The following PCDHA5 variants were observed in gnomAD, a reference collection of about 807,000 sequenced individuals.
PCDHA5 encodes the protein protocadherin alpha 5, also known as protocadherin alpha-5.
A neutral mutation model predicts 61.6 loss-of-function variants in PCDHA5; 43 were observed. The observed-to-expected ratio is 0.70, with a 90% CI of 0.55 to 0.90. PCDHA5 has a LOEUF of 0.90. Ranked by LOEUF, PCDHA5 falls within the 40% of genes least tolerant of loss-of-function variation. PCDHA5 has a pLI of 0.00. For synonymous variants in PCDHA5, 627 were observed against 543.9 expected (o/e 1.15, Z -2.13); for missense variants, 1,298 against 1,222.7 (o/e 1.06, Z -0.92).
intron 1 of PCDHA5, chr5:140,859,594 C>G (rs2045925164): frequency 6.1e-6 from 1 of 164,452 alleles, no homozygotes; most frequent in Non-Finnish European, 1.3e-5. Context: ...TGGCTCTTAG[C>G]AATTACTTTT....
intron 3 of PCDHA5, among the ~76,000 whole-genome samples, chr5:141,006,271 G>T (rs2098264486): frequency 6.6e-6 from 1 of 151,918 alleles, no homozygotes; most frequent in Non-Finnish European, 1.5e-5. Context: ...GACTGCAGTG[G>T]CACGATCTCA....
intron 1 of PCDHA5, among the ~76,000 whole-genome samples, chr5:140,872,173 T>C (rs2053523271): frequency 6.6e-6 from 1 of 152,224 alleles, no homozygotes; most frequent in Non-Finnish European, 1.5e-5. Flanking sequence ...TTCTTTTTTT[T>C]TTTTACAGTG....
chr5:140,845,560 A>G (rs2150379954), intron 1 of PCDHA5, among the ~76,000 whole-genome samples: 47 of 149,642 alleles, frequency 3.1e-4, no homozygotes, highest in African/African-American at 1.1e-3. Context: ...GCTTTTAGCT[A>G]TTAAGAATTT....
Position 141,009,979 on chromosome 5 carries a change from T to C in PCDHA5, c.*42T>C. 2.5e-6 allele frequency: 4 copies of C among 1,583,392 alleles called. No individual in the cohort carries two copies. Among genetic ancestry groups the C allele is most frequent in the Non-Finnish European group, 3.4e-6 (4 of 1,168,152 alleles). On this transcript the variant is annotated 3_prime_UTR_variant, in exon 4 of 4. Coordinates refer to ENST00000529859, the MANE Select transcript of PCDHA5 (RefSeq NM_018908.3). The stretch of plus-strand genomic sequence containing the variant: ...CAAGCCACTTAGCCAGTTTTTGTAA[T>C]AATGGCAAATCTCTCCCATGTAGCA...
chr5:140,872,087 A>C (rs2053480826), intron 1 of PCDHA5, among the ~76,000 whole-genome samples: 2 of 152,304 alleles, frequency 1.3e-5, no homozygotes, highest in East Asian at 1.9e-4. Flanking sequence ...GTGCCACTGC[A>C]CTTAGTCCAT....
Position 140,938,565 on chromosome 5 carries a change from A to G in PCDHA5, c.2353-40384A>G, listed in dbSNP as rs1347602327. Among the ~76,000 whole-genome samples the G allele has an allele frequency of 2.0e-5, 3 of 151,630 alleles. No individual in the cohort carries two copies. The East Asian group carries it at 5.8e-4, about 29-fold the overall frequency. On this transcript the variant is annotated intron_variant, in intron 1 of 3. Coordinates refer to ENST00000529859, the MANE Select transcript of PCDHA5 (RefSeq NM_018908.3). ...TTTTATCCTTTTATTAATAGCATGC[A>G]TTATATTGGTTGATTTGTTAATGAT...
chr5:141,009,702 C>T lies in PCDHA5; in HGVS notation c.2576C>T (p.Pro859Leu). 1 of 1,614,056 alleles carries T rather than the reference C, an allele frequency of 6.2e-7. No individual in the cohort carries two copies. The highest frequency in any genetic ancestry group is 8.5e-7 in the Non-Finnish European group (1 of 1,180,028). The change falls in exon 4 of 4, where the codon CCA becomes CTA. Residue 859 changes from proline to leucine, a missense_variant. Transcript: ENST00000529859. ...AACAGCTGGACCTTTAAATACGGAC[C>T]AGGCAACCCCAAACAATCCGGTCCC... is the stretch of plus-strand genomic sequence containing the variant. The part of the protein sequence containing the change: ...NSNSWTFKYG[P>L]GNPKQSGPGE...
intron 1 of PCDHA5, among the ~76,000 whole-genome samples, chr5:140,923,810 T>C (rs1433569913): frequency 6.6e-6 from 1 of 152,202 alleles, no homozygotes; most frequent in Non-Finnish European, 1.5e-5. Flanking sequence ...TGAAATCTTC[T>C]GAAAATAGAC....
intron 1 of PCDHA5, among the ~76,000 whole-genome samples, chr5:140,906,179 C>G (rs2072430767): frequency 1.3e-5 from 2 of 152,172 alleles, no homozygotes; most frequent in African/African-American, 4.8e-5. Flanking sequence ...TACTTTGCAT[C>G]CTTCAATCCA....
At chr5:140,917,242 T>C (rs564284004) in intron 1 of PCDHA5, among the ~76,000 whole-genome samples, 1 of 151,850 alleles carries the variant, frequency 6.6e-6, no homozygotes, top group African/African-American at 2.4e-5. Flanking sequence ...ATCTAGGTAC[T>C]ACGATTGCTC....
At chr5:140,877,708 G>A in intron 1 of PCDHA5, 12 of 1,614,072 alleles carry the variant, frequency 7.4e-6, no homozygotes, top group Non-Finnish European at 1.0e-5. Flanking sequence ...CAGCGCCGTG[G>A]GGAGTTGGTC....
intron 1 of PCDHA5, chr5:140,852,529 G>T: frequency 2.4e-6 from 1 of 416,580 alleles, no homozygotes. Context: ...TCCCACCTCG[G>T]CCTCCCAAAG....
intron 1 of PCDHA5, chr5:140,927,342 T>C: frequency 6.2e-7 from 1 of 1,614,160 alleles, no homozygotes; most frequent in Non-Finnish European, 8.5e-7. Context: ...ATGCCCAAGA[T>C]GACGACGAGG....
At chr5:140,979,126 A>G in intron 2 of PCDHA5, 119 bp downstream of exon 2, 2 of 1,481,366 alleles carry the variant, frequency 1.4e-6, no homozygotes, top group South Asian at 1.4e-5. Context: ...GTACTTTGCC[A>G]GGAAAATGCA....
At chr5:140,829,720 G>T (rs2150173361) in intron 1 of PCDHA5, 2 of 1,613,502 alleles carry the variant, frequency 1.2e-6, no homozygotes, top group East Asian at 2.2e-5. Context: ...CGGGCGTGCC[G>T]CCTCTGGGCA....
chr5:140,966,945 A>C, intron 1 of PCDHA5: 1 of 1,603,804 alleles, frequency 6.2e-7, no homozygotes, highest in Non-Finnish European at 8.5e-7. Context: ...CTCGTGGGCA[A>C]CGTGGCTCGC....
At chr5:140,933,773 A>G (rs2089413998) in intron 1 of PCDHA5, among the ~76,000 whole-genome samples, 1 of 152,040 alleles carries the variant, frequency 6.6e-6, no homozygotes, top group South Asian at 2.1e-4. Context: ...CTGTACCTAC[A>G]GTTTTCTTTG....
At chr5:140,859,469 A>G in intron 1 of PCDHA5, 1 of 211,582 alleles carries the variant, frequency 4.7e-6, no homozygotes, top group Non-Finnish European at 9.2e-6. Context: ...CTACACTATC[A>G]ATTGTGTTTT....
intron 1 of PCDHA5, chr5:140,869,211 G>A (rs375218342): frequency 1.2e-6 from 2 of 1,613,956 alleles, no homozygotes; most frequent in Admixed American, 1.7e-5. Flanking sequence ...ACTCCGTCTC[G>A]GAGGAGGCCA....
Sources: gnomAD v4.1 joint callset for allele counts (sites outside exome capture counted in the v4.1 genomes callset) on GRCh38, gnomAD v4.1.1 for gene constraint, MANE v1.5 for transcripts, NCBI Gene and HGNC (gene_info 2026-07-23, HGNC 2026-07-21) for gene names.